WDPCP: variants seen among roughly 807,000 people sequenced by gnomAD.
WDPCP encodes WD repeat containing planar cell polarity effector, also known as WD repeat-containing and planar cell polarity effector protein fritz homolog.
Under a neutral mutation model 93.1 loss-of-function variants are expected in WDPCP, and 71 were observed. The observed-to-expected ratio is 0.76, with a 90% CI of 0.63 to 0.93. WDPCP has a LOEUF of 0.93. WDPCP is among the 40% of genes least tolerant of loss of function. The pLI, the probability that WDPCP is intolerant of heterozygous loss-of-function variation, is 0.00. For synonymous variants in WDPCP, 315 were observed against 315.0 expected (o/e 1.00, Z 0.00); for missense variants, 844 against 887.4 (o/e 0.95, Z 0.62).
intron 9 of WDPCP, among the ~76,000 whole-genome samples, chr2:63,421,166 C>A (rs542069660): frequency 6.6e-6 from 1 of 152,062 alleles, no homozygotes; most frequent in South Asian, 2.1e-4. Context: ...TATTTGTAAT[C>A]GTTTTCAATG....
At chr2:63,747,281 A>T (rs888166730) in intron 2 of WDPCP, among the ~76,000 whole-genome samples, 1 of 151,986 alleles carries the variant, frequency 6.6e-6, no homozygotes, top group Non-Finnish European at 1.5e-5. Context: ...ACATATCTAA[A>T]ATTCTTAATT....
At chr2:63,408,597 G>A (rs1176940502) in intron 9 of WDPCP, among the ~76,000 whole-genome samples, 1 of 152,132 alleles carries the variant, frequency 6.6e-6, no homozygotes, top group African/African-American at 2.4e-5. Context: ...ACACTCCACA[G>A]CCAGGGGGAG....
At chr2:63,291,930 G>A (rs959689727) in intron 13 of WDPCP, among the ~76,000 whole-genome samples, 1 of 151,638 alleles carries the variant, frequency 6.6e-6, no homozygotes, top group Non-Finnish European at 1.5e-5. Flanking sequence ...TCAGGAGATC[G>A]AGACCATTCT....
intron 9 of WDPCP, among the ~76,000 whole-genome samples, chr2:63,427,536 A>G (rs1451972606): frequency 1.3e-5 from 2 of 152,216 alleles, no homozygotes; most frequent in Non-Finnish European, 2.9e-5. Context: ...ATTTTTTGAA[A>G]TCAACGAAAA....
intron 9 of WDPCP, among the ~76,000 whole-genome samples, chr2:63,429,920 A>G (rs1175117095): frequency 6.6e-6 from 1 of 151,934 alleles, no homozygotes; most frequent in Non-Finnish European, 1.5e-5. Context: ...CAATAGCAAA[A>G]ACATGGAATC....
intron 2 of WDPCP, among the ~76,000 whole-genome samples, chr2:63,720,140 G>A (rs928857265): frequency 9.9e-5 from 15 of 152,280 alleles, no homozygotes; most frequent in Admixed American, 9.1e-4. Context: ...AAATAGGCCT[G>A]GCGCAGTGGC....
intron 2 of WDPCP, among the ~76,000 whole-genome samples, chr2:63,487,863 G>A (rs1558700977): frequency 6.6e-6 from 1 of 152,072 alleles, no homozygotes; most frequent in Non-Finnish European, 1.5e-5. Flanking sequence ...TCAGTGGATG[G>A]AAGAAAATGC....
chr2:63,605,900 A>G (rs751738711), intron 3 of WDPCP: 1 of 1,526,410 alleles, frequency 6.6e-7, no homozygotes, highest in Non-Finnish European at 9.1e-7. Flanking sequence ...AGTTGTGTAA[A>G]CTAATCATCA....
chr2:63,677,686 G>A (rs1261149757), intron 2 of WDPCP, among the ~76,000 whole-genome samples: 5 of 152,026 alleles, frequency 3.3e-5, no homozygotes, highest in East Asian at 1.9e-4. Flanking sequence ...AATTACTACC[G>A]ACCTAGAATT....
At chr2:63,485,483 T>C (rs1027588713) in intron 4 of WDPCP, among the ~76,000 whole-genome samples, 1 of 151,856 alleles carries the variant, frequency 6.6e-6, no homozygotes, top group Non-Finnish European at 1.5e-5. Flanking sequence ...AGCTCCACAT[T>C]TTAAAACTAT....
chr2:63,752,843 C>T (rs1669904875), intron 2 of WDPCP, among the ~76,000 whole-genome samples: 1 of 152,060 alleles, frequency 6.6e-6, no homozygotes, highest in Non-Finnish European at 1.5e-5. Flanking sequence ...CAGGCGCCCA[C>T]CACCAGCCCA....
At chr2:63,745,722 G>C (rs1273948624) in intron 2 of WDPCP, among the ~76,000 whole-genome samples, 1 of 151,830 alleles carries the variant, frequency 6.6e-6, no homozygotes, top group African/African-American at 2.4e-5. Context: ...ACTAATATAG[G>C]GGCTATTATC....
rs1179424578 is a variant in WDPCP, at chr2:63,187,956, G to A, written c.1916-13124C>T. Among the ~76,000 whole-genome samples, 3 of 152,112 alleles carry A rather than the reference G, an allele frequency of 2.0e-5. No individual in the cohort carries two copies. In the East Asian group the frequency reaches 5.8e-4, roughly 29 times the overall value. ...ATTTCTTCTTCATTTCTGAAGGACAGTTTTGCTGGATACAGTATTCTTAGT... is the reference window on the plus strand; with the variant it reads ...ATTTCTTCTTCATTTCTGAAGGACAATTTTGCTGGATACAGTATTCTTAGT... On this transcript the variant is annotated intron_variant, in intron 14 of 17. Coordinates refer to ENST00000272321, the MANE Select transcript of WDPCP (RefSeq NM_015910.7).
chr2:63,780,015 G>A (rs562135157), intron 2 of WDPCP, among the ~76,000 whole-genome samples: 1 of 152,044 alleles, frequency 6.6e-6, no homozygotes, highest in African/African-American at 2.4e-5. Flanking sequence ...GGTATGCAAG[G>A]GTGAATAAAC....
chr2:63,631,701 C>T (rs1709866557), intron 3 of WDPCP, among the ~76,000 whole-genome samples: 1 of 152,192 alleles, frequency 6.6e-6, no homozygotes, highest in African/African-American at 2.4e-5. Context: ...TAATTAGAGA[C>T]ATCTGGAGAT....
At chr2:63,355,381 C>T (rs1689945501) in intron 12 of WDPCP, among the ~76,000 whole-genome samples, 1 of 152,100 alleles carries the variant, frequency 6.6e-6, no homozygotes, top group African/African-American at 2.4e-5. Context: ...AAATAAGATC[C>T]TTTTCAGATA....
At chr2:63,500,274 G>A (rs1335369970) in intron 1 of WDPCP, among the ~76,000 whole-genome samples, 1 of 152,144 alleles carries the variant, frequency 6.6e-6, no homozygotes, top group African/African-American at 2.4e-5. Flanking sequence ...GAGAGGCCTG[G>A]ACTACATAAA....
At chr2:63,725,260 C>T (rs1009701323) in intron 2 of WDPCP, among the ~76,000 whole-genome samples, 1 of 152,138 alleles carries the variant, frequency 6.6e-6, no homozygotes, top group Non-Finnish European at 1.5e-5. Flanking sequence ...CATGTGTACT[C>T]AATGTAGCTC....
chr2:63,534,794 C>T (rs1429994139), intron 1 of WDPCP, among the ~76,000 whole-genome samples: 1 of 152,174 alleles, frequency 6.6e-6, no homozygotes, highest in Non-Finnish European at 1.5e-5. Context: ...CCTTTGAAAA[C>T]TCACACAAGA....
Sources: allele counts gnomAD v4.1 joint callset (sites outside exome capture counted in the v4.1 genomes callset), GRCh38; gene constraint gnomAD v4.1.1; transcripts MANE v1.5; gene names NCBI Gene and HGNC (gene_info 2026-07-23, HGNC 2026-07-21).